Variants in CCDC88C observed in about 807,000 individuals in gnomAD.
The protein encoded by CCDC88C is coiled-coil and HOOK domain protein 88C.
In CCDC88C, 131 loss-of-function variants were observed where a neutral mutation model predicts 198.8. The ratio of observed to expected loss-of-function variants is 0.66; its 90% CI spans 0.57 to 0.76. CCDC88C has a LOEUF of 0.76. Among genes scored for constraint, CCDC88C ranks in the 30% least tolerant of loss-of-function variants. The pLI is 0.00. For synonymous variants in CCDC88C, 1,166 were observed against 1,114.7 expected, an observed-to-expected ratio of 1.05 and a Z score of -0.92; for missense variants, 2,553 against 2,631.6, an observed-to-expected ratio of 0.97 and a Z score of 0.65.
At position 91,339,877 on chromosome 14, in the gene CCDC88C, G is replaced by A. The variant is rs1202765082; in HGVS notation, c.624+7C>T. ...AGGCTGACCGGGCCACCGACCCGCG[G>A]ACGCACCTCGGTGCACTCGTCCCGC... On this transcript the variant is annotated splice_region_variant and intron_variant, in intron 7 of 29. Coordinates refer to ENST00000389857, the MANE Select transcript of CCDC88C (RefSeq NM_001080414.4). This position sits in a 1 kb window ranked among gnomAD's most constrained non-coding sequence, Gnocchi z 5.8. 1.9e-6 allele frequency: 3 copies of A among 1,577,414 alleles called. No individual in the cohort carries two copies. The highest frequency in any genetic ancestry group is 2.6e-6 in the Non-Finnish European group (3 of 1,161,776).
In CCDC88C at chr14:91,314,149, A is replaced by G; in HGVS notation, c.1667T>C (p.Ile556Thr). Residue 556 changes from isoleucine (I) to threonine (T), a missense_variant and splice_region_variant, in exon 15 of 30, where the codon ATC becomes ACC. This residue lies in a region of CCDC88C where 1,260 missense variants were observed against 1,412.0 expected (regional missense o/e 0.89). Coordinates refer to ENST00000389857, the MANE Select transcript of CCDC88C (RefSeq NM_001080414.4). ...GTCCTTTTCCTGCTCAAGGTCCTTG[A>G]TCTACGGGAAAACACAACAGGCACA... is the stretch of plus-strand genomic sequence containing the variant. ...ETLKADKARQ[I>T]KDLEQEKDHL... 3 of 1,605,118 alleles carry G rather than the reference A, an allele frequency of 1.9e-6. No homozygotes were observed. In the South Asian group the frequency reaches 3.3e-5, roughly 18 times the overall value.
At chr14:91,397,188 C>G (rs1885898470) in intron 3 of CCDC88C, among the ~76,000 whole-genome samples, 1 of 152,138 alleles carries the variant, frequency 6.6e-6, no homozygotes, top group Non-Finnish European at 1.5e-5. Context: ...TCCAAGCAGA[C>G]CCTGTGAGGC....
intron 24 of CCDC88C, 136 bp from the exon 25 acceptor site, chr14:91,289,479 G>A (rs540120614): frequency 1.3e-6 from 1 of 782,708 alleles, no homozygotes; most frequent in African/African-American, 1.7e-5. Context: ...TCAGGACAAT[G>A]ACGCTCATGA....
intron 4 of CCDC88C, among the ~76,000 whole-genome samples, chr14:91,349,687 G>T (rs143258703): frequency 6.6e-6 from 1 of 152,250 alleles, no homozygotes; most frequent in Non-Finnish European, 1.5e-5. Flanking sequence ...CTGCTTCCTG[G>T]AGTCTTGACA....
intron 13 of CCDC88C, among the ~76,000 whole-genome samples, chr14:91,319,795 G>A (rs955078293): frequency 6.6e-6 from 1 of 152,130 alleles, no homozygotes; most frequent in African/African-American, 2.4e-5. Flanking sequence ...GGAGGCCGAG[G>A]CGGGTGGGCC....
At chr14:91,411,073 T>C (rs2140017566) in intron 2 of CCDC88C, among the ~76,000 whole-genome samples, 1 of 152,334 alleles carries the variant, frequency 6.6e-6, no homozygotes, top group East Asian at 1.9e-4. Flanking sequence ...TGACATTTAC[T>C]GTATGAGTAA....
At chr14:91,415,845 C>T (rs1275029882) in intron 2 of CCDC88C, among the ~76,000 whole-genome samples, 1 of 152,120 alleles carries the variant, frequency 6.6e-6, no homozygotes, top group African/African-American at 2.4e-5. Flanking sequence ...GAGCCACAAA[C>T]GAAGCTGATC....
At chr14:91,280,514 A>C (rs1022753698) in intron 27 of CCDC88C, among the ~76,000 whole-genome samples, 1 of 152,236 alleles carries the variant, frequency 6.6e-6, no homozygotes, top group Non-Finnish European at 1.5e-5. Flanking sequence ...AAATTTCAGT[A>C]TAAGGAAACC....
chr14:91,313,227 G>A lies in CCDC88C; in HGVS notation c.2589C>T (p.Ser863=), dbSNP rs778773408. 4.0e-5 allele frequency: 64 copies of A among 1,613,802 alleles called. No homozygotes were observed. The highest frequency in any genetic ancestry group is 4.7e-5 in the Non-Finnish European group (56 of 1,179,886). Residue 863 remains serine, a synonymous_variant, in exon 15 of 30, where the codon TCC becomes TCT. Coordinates refer to ENST00000389857, the MANE Select transcript of CCDC88C (RefSeq NM_001080414.4). The surrounding 1 kb of genome is among the most constrained non-coding windows in gnomAD (Gnocchi z 5.2). ...GCGCGCGGCTCTCCTTCTCAACGGC[G>A]GACAGTTTGGCAGTGCTATCGTCCA... ...AVLDDSTAKL[S]AVEKESRALD...
chr14:91,384,513 TG>T (rs1567113274), intron 3 of CCDC88C: 1 of 521,162 alleles, frequency 1.9e-6, no homozygotes, highest in African/African-American at 1.9e-5. Flanking sequence ...CTTCCTCATC[TG>T]CTTCTTCACC....
Position 91,293,354 on chromosome 14 carries a change from G to GCCACAGCCCACCTTCCCGTCCTCA in CCDC88C, c.4112+818_4112+819insTGAGGACGGGAAGGTGGGCTGTGG, listed in dbSNP as rs1567055030. On this transcript the variant is annotated intron_variant, in intron 23 of 29. Coordinates refer to ENST00000389857, the MANE Select transcript of CCDC88C (RefSeq NM_001080414.4). Reference sequence around the variant, plus strand: ...CCAAAGCTCACCTTCCTGTCCCCTCGCCTGCCACGGCCCACCTTCCTGCCC... The same window carrying GCCACAGCCCACCTTCCCGTCCTCA: ...CCAAAGCTCACCTTCCTGTCCCCTCGCCACAGCCCACCTTCCCGTCCTCACCTGCCACGGCCCACCTTCCTGCCC... Among the ~76,000 whole-genome samples, 25 of 21,642 alleles carry GCCACAGCCCACCTTCCCGTCCTCA rather than the reference G, an allele frequency of 1.2e-3. 4 individuals are homozygous for GCCACAGCCCACCTTCCCGTCCTCA. Among genetic ancestry groups the GCCACAGCCCACCTTCCCGTCCTCA allele is most frequent in the African/African-American group, 3.0e-3 (10 of 3,352 alleles). 14.2% of individuals were successfully genotyped at this position (21,642 alleles called of 152,430 possible).
intron 10 of CCDC88C, among the ~76,000 whole-genome samples, chr14:91,334,590 T>C (rs1400140068): frequency 1.3e-5 from 2 of 152,214 alleles, no homozygotes; most frequent in Non-Finnish European, 2.9e-5. Context: ...TTTAATTGCA[T>C]AGGAACTGTT....
intron 27 of CCDC88C, chr14:91,279,546 A>C: frequency 2.5e-6 from 1 of 393,784 alleles, no homozygotes; most frequent in African/African-American, 2.0e-5. Context: ...ATCTACATTT[A>C]TGAGGCCTGG....
At chr14:91,283,924 G>A (rs549369698) in intron 25 of CCDC88C, among the ~76,000 whole-genome samples, 10 of 152,328 alleles carry the variant, frequency 6.6e-5, no homozygotes, top group African/African-American at 2.2e-4. Context: ...CTGAGGATCC[G>A]AAGGTCCTGC....
rs763025338 is a variant in CCDC88C at position 91,303,872 on chromosome 14, C to G, written c.3464G>C (p.Arg1155Thr). The G allele has an allele frequency of 1.1e-4, 180 of 1,613,118 alleles. No homozygotes were observed. Among genetic ancestry groups the G allele is most frequent in the Non-Finnish European group, 1.5e-4 (173 of 1,179,898 alleles). Reference sequence around the variant, plus strand: ...GGCCGCTGTAAGTTGCTCCTGCTGCCTCTGCAGGCTTTCGTTCTCCGTCTC... The same window carrying G: ...GGCCGCTGTAAGTTGCTCCTGCTGCGTCTGCAGGCTTTCGTTCTCCGTCTC... ...AKETENESLQ[R>T]QQEQLTAAYE... The change falls in exon 20 of 30, where the codon AGG becomes ACG. Residue 1155 changes from arginine (R) to threonine (T), a missense_variant. By Grantham distance (71) the Arg-to-Thr change is moderately conservative. This residue lies in a region of CCDC88C where 1,293 missense variants were observed against 1,219.6 expected (regional missense o/e 1.06). Coordinates refer to ENST00000389857, the MANE Select transcript of CCDC88C (RefSeq NM_001080414.4).
At chr14:91,293,570 C>T (rs138997479) in intron 23 of CCDC88C, among the ~76,000 whole-genome samples, 1,038 of 45,128 alleles carry the variant, frequency 0.023, 107 homozygotes, top group East Asian at 0.039. Flanking sequence ...CTGCCACGGC[C>T]CACCTTCCTG....
At chr14:91,278,241 C>T in intron 28 of CCDC88C, 30 bp from the exon 29 acceptor site, 3 of 1,561,800 alleles carry the variant, frequency 1.9e-6, no homozygotes, top group Non-Finnish European at 2.6e-6. Context: ...ACAGAGGACC[C>T]TCATCAGTCT....
chr14:91,396,624 A>G (rs1270220881), intron 3 of CCDC88C, among the ~76,000 whole-genome samples: 1 of 152,192 alleles, frequency 6.6e-6, no homozygotes, highest in Non-Finnish European at 1.5e-5. Flanking sequence ...CGTTTCAGCC[A>G]TAATTTTTCC....
chr14:91,330,790 T>C (rs529839627), intron 10 of CCDC88C, among the ~76,000 whole-genome samples: 3 of 152,128 alleles, frequency 2.0e-5, no homozygotes, highest in Middle Eastern at 3.4e-3. Flanking sequence ...CCGGGTACAC[T>C]GAGGCCTGGA....
Sources: gnomAD v4.1 joint callset for allele counts (sites outside exome capture counted in the v4.1 genomes callset) on GRCh38, gnomAD v4.1.1 for gene constraint, gnomAD v4.1.1 regional missense constraint, Gnocchi (gnomAD v3.1) non-coding constraint, MANE v1.5 for transcripts, NCBI Gene and HGNC (gene_info 2026-07-23, HGNC 2026-07-21) for gene names.